SHROOM4: variants seen among roughly 807,000 people sequenced by gnomAD.
SHROOM4 encodes shroom family member 4.
A neutral mutation model predicts 80.3 loss-of-function variants in SHROOM4; 17 were observed. That is an observed-to-expected ratio of 0.21 (90% CI 0.14 to 0.32). The LOEUF (loss-of-function observed/expected upper bound fraction) is 0.32. Among genes scored for constraint, SHROOM4 ranks in the 10% least tolerant of loss-of-function variants. The probability of loss-of-function intolerance (pLI) is 1.00; values close to 1 mark genes in which losing one functional copy is unlikely to be tolerated. For synonymous variants in SHROOM4, 400 were observed against 437.5 expected (o/e 0.91, Z 1.07); for missense variants, 993 against 1,140.3 (o/e 0.87, Z 1.86).
At chrX:50,768,409 C>G (rs782556694) in intron 1 of SHROOM4, among the ~76,000 whole-genome samples, 1 of 111,964 alleles carries the variant, frequency 8.9e-6, no homozygotes, top group Admixed American at 9.4e-5. Context: ...GAAATTTAAG[C>G]TTTGAAAACT....
In SHROOM4 at chrX:50,588,432, A is replaced by G. The variant is rs1928802914; in HGVS notation, c.*8263T>C. 8.9e-6 allele frequency among the ~76,000 whole-genome samples: 1 copy of G among 112,039 alleles called. No homozygotes were observed. Among genetic ancestry groups the G allele is most frequent in the African/African-American group, 3.2e-5 (1 of 30,805 alleles). Reference sequence around the variant, plus strand: ...GCATGGATTAACTCAATAATTCCTCACAACACAAGGATGTATTTTTGTTTC... The same window carrying G: ...GCATGGATTAACTCAATAATTCCTCGCAACACAAGGATGTATTTTTGTTTC... On this transcript the variant is annotated 3_prime_UTR_variant, in exon 9 of 9. Transcript: ENST00000376020.
At chrX:50,744,069 T>A (rs1270863380) in intron 1 of SHROOM4, among the ~76,000 whole-genome samples, 2 of 111,603 alleles carry the variant, frequency 1.8e-5, no homozygotes, top group Non-Finnish European at 3.8e-5. Flanking sequence ...ATTTTGACTA[T>A]GATATGTCTA....
rs1185986833 is a variant in SHROOM4, at chrX:50,590,493, G to A, written c.*6202C>T. ...TTGCGATCTCCTGACCTCCTGATCC[G>A]CCCGCCACGGCCTCCCAAAGTGCTG... On this transcript the variant is annotated 3_prime_UTR_variant, in exon 9 of 9. Transcript: ENST00000376020. 9.0e-6 allele frequency among the ~76,000 whole-genome samples: 1 copy of A among 110,663 alleles called. No individual in the cohort carries two copies. Among genetic ancestry groups the A allele is most frequent in the East Asian group, 2.9e-4 (1 of 3,505 alleles).
intron 1 of SHROOM4, among the ~76,000 whole-genome samples, chrX:50,767,920 A>G (rs1263008668): frequency 8.9e-6 from 1 of 112,131 alleles, no homozygotes; most frequent in African/African-American, 3.2e-5. Flanking sequence ...AATAACAAAT[A>G]CATCTATTAG....
At chrX:50,777,162 G>A (rs933099523) in intron 1 of SHROOM4, among the ~76,000 whole-genome samples, 9 of 111,346 alleles carry the variant, frequency 8.1e-5, no homozygotes, top group African/African-American at 9.8e-5. Context: ...CCAGAATGAG[G>A]AGACCCAAGA....
At chrX:50,583,570 T>G (rs1431030325), downstream of SHROOM4, among the ~76,000 whole-genome samples, 1 of 111,846 alleles carries the variant, frequency 8.9e-6, no homozygotes, top group Non-Finnish European at 1.9e-5. Context: ...CCTTACTAGC[T>G]TGATGAAGTA....
At chrX:50,600,458 C>T (rs1388354566) in intron 7 of SHROOM4, among the ~76,000 whole-genome samples, 1 of 111,606 alleles carries the variant, frequency 9.0e-6, no homozygotes, top group African/African-American at 3.3e-5. Flanking sequence ...ACGTCAATTT[C>T]CACATCTAAA....
intron 1 of SHROOM4, among the ~76,000 whole-genome samples, chrX:50,731,278 A>G (rs1934365424): frequency 9.2e-6 from 1 of 109,067 alleles, no homozygotes; most frequent in Non-Finnish European, 1.9e-5. Flanking sequence ...TGCCCCCTCT[A>G]TCCCCTCTTT....
chrX:50,742,303 A>G (rs1477654175), intron 1 of SHROOM4, among the ~76,000 whole-genome samples: 2 of 111,778 alleles, frequency 1.8e-5, no homozygotes, highest in African/African-American at 6.5e-5. Context: ...ACAATGCCCT[A>G]TATGTTATTA....
rs1316834770 is a variant in SHROOM4, at chrX:50,652,158, A to G, written c.270-13850T>C. Among the ~76,000 whole-genome samples the G allele has an allele frequency of 2.7e-5, 3 of 111,942 alleles. No homozygotes were observed. In the East Asian group the frequency reaches 8.4e-4, roughly 31 times the overall value. On this transcript the variant is annotated intron_variant, in intron 2 of 8. Transcript: ENST00000376020. ...TTCCAGATCCTTGAGGAATCGCCAC[A>G]CTATCTTCCACAATGGTTCAACTAA...
At chrX:50,713,586 G>T (rs1933875307) in intron 1 of SHROOM4, among the ~76,000 whole-genome samples, 1 of 111,578 alleles carries the variant, frequency 9.0e-6, no homozygotes, top group Non-Finnish European at 1.9e-5. Context: ...AGTAAGCCAT[G>T]ATTGCACCAC....
intron 1 of SHROOM4, among the ~76,000 whole-genome samples, chrX:50,762,600 G>A (rs1557269006): frequency 9.0e-6 from 1 of 111,539 alleles, no homozygotes; most frequent in Non-Finnish European, 1.9e-5. Context: ...AATTATCTCC[G>A]TCTTTGTTTA....
intron 1 of SHROOM4, among the ~76,000 whole-genome samples, chrX:50,747,914 C>T (rs1934811082): frequency 9.0e-6 from 1 of 111,390 alleles, no homozygotes; most frequent in Admixed American, 9.6e-5. Context: ...TGGGTATTAC[C>T]CTATAAAGGA....
intron 1 of SHROOM4, among the ~76,000 whole-genome samples, chrX:50,745,593 A>AGT (rs1557267560): frequency 1.1e-4 from 12 of 111,716 alleles, no homozygotes; most frequent in Admixed American, 9.5e-4. Context: ...GGGAACCCCC[A>AGT]ATCTTCTTGT....
intron 1 of SHROOM4, among the ~76,000 whole-genome samples, chrX:50,734,054 A>C (rs984553086): frequency 8.9e-6 from 1 of 112,353 alleles, no homozygotes; most frequent in African/African-American, 3.2e-5. Flanking sequence ...CTTTGGAATA[A>C]ATTTTTAAAA....
chrX:50,729,865 T>C, intron 1 of SHROOM4, among the ~76,000 whole-genome samples: 1 of 110,003 alleles, frequency 9.1e-6, no homozygotes, highest in Middle Eastern at 4.9e-3. Flanking sequence ...GAAAAAAAAA[T>C]ACATCAACCA....
rs1557249003 is a variant in SHROOM4, at chrX:50,607,887, A to G, written c.3255T>C (p.Asp1085=). ...QHRRELFSKG[D]ETQSDLLGAR... ...CTCCGAGAAGATCCGACTGGGTCTC[A>G]TCACCTTTGCTAAAGAGCTCCCTCC... The change falls in exon 6 of 9, where the codon GAT becomes GAC. Residue 1085 remains aspartate (D), a synonymous_variant. Transcript: ENST00000376020. The G allele has an allele frequency of 8.3e-7, 1 of 1,210,241 alleles. No individual in the cohort carries two copies. The highest frequency in any genetic ancestry group is 3.0e-5 in the East Asian group (1 of 33,773).
intron 2 of SHROOM4, among the ~76,000 whole-genome samples, chrX:50,692,664 A>G (rs1284106508): frequency 9.0e-6 from 1 of 111,462 alleles, no homozygotes; most frequent in Non-Finnish European, 1.9e-5. Context: ...AATCTTGACC[A>G]ATCCAAGATT....
intron 1 of SHROOM4, among the ~76,000 whole-genome samples, chrX:50,783,046 A>G (rs187458097): frequency 1.1e-4 from 12 of 112,085 alleles, no homozygotes; most frequent in Non-Finnish European, 2.1e-4. Context: ...ATAAAATAAT[A>G]AAATAAAATG....
Sources: gnomAD v4.1 joint callset for allele counts (sites outside exome capture counted in the v4.1 genomes callset) on GRCh38, gnomAD v4.1.1 for gene constraint, MANE v1.5 for transcripts, NCBI Gene and HGNC (gene_info 2026-07-23, HGNC 2026-07-21) for gene names.